RPS6KA5: variants seen among roughly 807,000 people sequenced by gnomAD.
The protein encoded by RPS6KA5 is ribosomal protein S6 kinase A5.
RPS6KA5 carries 27 observed loss-of-function variants against 85.5 expected under a neutral mutation model. That is an observed-to-expected ratio of 0.32 (90% CI 0.23 to 0.44). The LOEUF (loss-of-function observed/expected upper bound fraction) is 0.44, where lower values mean the gene tolerates loss of function less well. Ranked by LOEUF, RPS6KA5 falls within the 20% of genes least tolerant of loss-of-function variation. RPS6KA5 has a pLI of 1.00. For missense variants in RPS6KA5, 811 were observed against 980.9 expected (o/e 0.83, Z 2.31); for synonymous variants, 334 against 348.2 (o/e 0.96, Z 0.46).
chr14:91,020,977 T>C (rs144207679), intron 1 of RPS6KA5, among the ~76,000 whole-genome samples: 20 of 152,252 alleles, frequency 1.3e-4, no homozygotes, highest in African/African-American at 4.8e-4. Flanking sequence ...ACCCGAAGCA[T>C]ACAACATCAG....
chr14:90,995,039 T>C (rs1200961876), intron 2 of RPS6KA5, among the ~76,000 whole-genome samples: 2 of 152,092 alleles, frequency 1.3e-5, no homozygotes, highest in African/African-American at 2.4e-5. Flanking sequence ...TGCTTGTGTG[T>C]GGTTTTTTGT....
chr14:91,042,129 CTT>C (rs2042629556), intron 1 of RPS6KA5, among the ~76,000 whole-genome samples: 1 of 152,196 alleles, frequency 6.6e-6, no homozygotes, highest in South Asian at 2.1e-4. Flanking sequence ...CTGAAAACCT[CTT>C]TCAGTAAGTT....
intron 3 of RPS6KA5, among the ~76,000 whole-genome samples, chr14:90,962,302 T>G (rs980965012): frequency 1.3e-5 from 1 of 76,736 alleles, no homozygotes; most frequent in African/African-American, 6.5e-5. Context: ...AAACTTATCT[T>G]GGCACAGTTT....
At chr14:90,974,627 T>C (rs2039478736) in intron 3 of RPS6KA5, among the ~76,000 whole-genome samples, 1 of 152,174 alleles carries the variant, frequency 6.6e-6, no homozygotes, top group South Asian at 2.1e-4. Context: ...ACTACCATGC[T>C]ATGAAAAAGC....
chr14:90,933,784 C>A (rs1170480943), intron 5 of RPS6KA5, among the ~76,000 whole-genome samples: 1 of 152,160 alleles, frequency 6.6e-6, no homozygotes, highest in East Asian at 1.9e-4. Flanking sequence ...CATATGATCA[C>A]CTCCATGTCC....
intron 1 of RPS6KA5, among the ~76,000 whole-genome samples, chr14:91,045,555 C>T (rs796770958): frequency 4.6e-5 from 7 of 152,302 alleles, no homozygotes; most frequent in East Asian, 3.9e-4. Flanking sequence ...TGAGCCACCG[C>T]GCCTGGCCTT....
intron 1 of RPS6KA5, among the ~76,000 whole-genome samples, chr14:91,056,298 T>C (rs565218940): frequency 1.3e-5 from 2 of 152,302 alleles, no homozygotes; most frequent in Non-Finnish European, 2.9e-5. Flanking sequence ...TTTACAGAAA[T>C]TGCTGCCATG....
intron 3 of RPS6KA5, among the ~76,000 whole-genome samples, chr14:90,955,076 C>G (rs1043149893): frequency 3.3e-5 from 5 of 152,040 alleles, no homozygotes; most frequent in African/African-American, 1.2e-4. Context: ...TTTTCATATT[C>G]CATATTTGAC....
chr14:90,916,401 G>A (rs537537028), intron 7 of RPS6KA5, among the ~76,000 whole-genome samples: 1 of 152,174 alleles, frequency 6.6e-6, no homozygotes, highest in South Asian at 2.1e-4. Context: ...AGACAAAAAT[G>A]GCGAACAGAT....
chr14:90,933,751 A>G (rs1244103247), intron 5 of RPS6KA5, among the ~76,000 whole-genome samples: 1 of 152,218 alleles, frequency 6.6e-6, no homozygotes, highest in African/African-American at 2.4e-5. Context: ...CAATGCCCTG[A>G]GTAATCTGTA....
At chr14:91,011,513 A>G (rs1172668901) in intron 1 of RPS6KA5, among the ~76,000 whole-genome samples, 1 of 152,154 alleles carries the variant, frequency 6.6e-6, no homozygotes, top group Admixed American at 6.5e-5. Context: ...ACTAAAAAAC[A>G]GAATTCTAAA....
chr14:90,898,259 A>C (rs558820440), intron 12 of RPS6KA5, among the ~76,000 whole-genome samples: 1 of 152,306 alleles, frequency 6.6e-6, no homozygotes, highest in Admixed American at 6.5e-5. Flanking sequence ...TATGGTAAGG[A>C]CTGAATAAGA....
At chr14:91,010,901 A>G (rs1381880597) in intron 1 of RPS6KA5, among the ~76,000 whole-genome samples, 1 of 152,102 alleles carries the variant, frequency 6.6e-6, no homozygotes, top group East Asian at 1.9e-4. Flanking sequence ...GAACAGAGAG[A>G]AGGATATGTT....
intron 2 of RPS6KA5, among the ~76,000 whole-genome samples, chr14:90,983,002 G>A (rs1203260946): frequency 1.3e-5 from 2 of 151,646 alleles, no homozygotes; most frequent in African/African-American, 2.4e-5. Flanking sequence ...GGTCCCAGCT[G>A]CTCGGGAGGC....
chr14:90,956,280 G>C (rs2038504643), intron 3 of RPS6KA5, among the ~76,000 whole-genome samples: 1 of 152,032 alleles, frequency 6.6e-6, no homozygotes, highest in Non-Finnish European at 1.5e-5. Context: ...TCATTAGGAA[G>C]TGTCCTTTTA....
At chr14:91,023,898 A>G (rs2041890027) in intron 1 of RPS6KA5, among the ~76,000 whole-genome samples, 2 of 152,208 alleles carry the variant, frequency 1.3e-5, no homozygotes, top group Non-Finnish European at 2.9e-5. Flanking sequence ...GAGAACTGAT[A>G]ATTGTATCAT....
At position 90,943,073 on chromosome 14, in the gene RPS6KA5, C is replaced by CTCA; in HGVS notation, c.618+2_618+4dup. The stretch of plus-strand genomic sequence containing the variant: ...ATTACTAACTTCAAATTAAAATATA[C>CTCA]TCACTTCATCAGCCACAAACTCCTT... On this transcript the variant is annotated splice_donor_region_variant and intron_variant, in intron 5 of 16. Transcript: ENST00000614987. 1 of 1,504,210 alleles carries CTCA rather than the reference C, an allele frequency of 6.6e-7. No individual in the cohort carries two copies. The highest frequency in any genetic ancestry group is 9.3e-7 in the Non-Finnish European group (1 of 1,080,950). The allele number at this position is 1,504,210 out of a possible 1,614,324, so 93.2% of individuals were successfully genotyped here. A position where few individuals can be genotyped will look rare whatever the true frequency, so the allele number is the denominator to read the frequency against.
At chr14:91,037,017 A>G (rs1157765065) in intron 1 of RPS6KA5, among the ~76,000 whole-genome samples, 1 of 152,224 alleles carries the variant, frequency 6.6e-6, no homozygotes, top group East Asian at 1.9e-4. Context: ...ATGGTGCTTA[A>G]GAGAGAGCTA....
Position 90,849,032 on chromosome 14 carries a change from C to T in RPS6KA5, c.*23042G>A, listed in dbSNP as rs1313944547. The T allele has an allele frequency of 1.3e-5, 2 of 152,042 alleles. No homozygotes were observed. Among genetic ancestry groups the T allele is most frequent in the Non-Finnish European group, 2.9e-5 (2 of 68,032 alleles). The allele number at this position is 152,042 out of a possible 1,614,324, so 9.4% of individuals were successfully genotyped here. ...TGGGCAACAGAGCAAGGCCGCATCT[C>T]TAAAAAGTAATAATAAATAAAAGGA... On this transcript the variant is annotated 3_prime_UTR_variant, in exon 17 of 17. Transcript: ENST00000614987.
Sources: allele counts gnomAD v4.1 joint callset (sites outside exome capture counted in the v4.1 genomes callset), GRCh38; gene constraint gnomAD v4.1.1; transcripts MANE v1.5; gene names NCBI Gene and HGNC (gene_info 2026-07-23, HGNC 2026-07-21).